Variants in UNC79 observed in about 807,000 individuals in gnomAD.
The protein encoded by UNC79 is protein unc-79 homolog.
Under a neutral mutation model 283.1 loss-of-function variants are expected in UNC79, and 37 were observed. The ratio of observed to expected loss-of-function variants is 0.13; its 90% confidence interval spans 0.10 to 0.17. UNC79 has a LOEUF of 0.17. UNC79 is among the 10% of genes least tolerant of loss of function. The pLI, the probability that UNC79 is intolerant of heterozygous loss-of-function variation, is 1.00. For missense variants in UNC79, 2,272 were observed against 3,211.1 expected (o/e 0.71, Z 7.07); for synonymous variants, 1,107 against 1,200.2 (o/e 0.92, Z 1.61).
At chr14:93,389,318 T>C (rs915851192) in intron 1 of UNC79, among the ~76,000 whole-genome samples, 6 of 152,172 alleles carry the variant, frequency 3.9e-5, no homozygotes, top group African/African-American at 1.4e-4. Context: ...TTATGGTTTT[T>C]CATCTCATGA....
intron 1 of UNC79, among the ~76,000 whole-genome samples, chr14:93,383,561 T>C (rs1442029483): frequency 6.6e-6 from 1 of 152,226 alleles, no homozygotes; most frequent in Admixed American, 6.5e-5. Context: ...TTAAAAATAC[T>C]TTATTGCTAA....
chr14:93,560,799 A>C (rs1177739608), intron 14 of UNC79, among the ~76,000 whole-genome samples: 1 of 152,076 alleles, frequency 6.6e-6, no homozygotes, highest in Non-Finnish European at 1.5e-5. Context: ...GATGAGAAGG[A>C]ATGCTGAAAG....
At chr14:93,600,211 A>G (rs543106815) in intron 24 of UNC79, among the ~76,000 whole-genome samples, 2 of 152,136 alleles carry the variant, frequency 1.3e-5, no homozygotes, top group Non-Finnish European at 2.9e-5. Flanking sequence ...AAAAACAAAC[A>G]AAGAAACAAA....
intron 1 of UNC79, among the ~76,000 whole-genome samples, chr14:93,395,364 T>A (rs569211312): frequency 6.6e-6 from 1 of 152,214 alleles, no homozygotes; most frequent in Admixed American, 6.5e-5. Flanking sequence ...TTCCATAAGC[T>A]GTACAGGAAG....
At chr14:93,680,226 T>C (rs969497165) in intron 41 of UNC79, among the ~76,000 whole-genome samples, 4 of 152,236 alleles carry the variant, frequency 2.6e-5, no homozygotes, top group Non-Finnish European at 5.9e-5. Context: ...GTGCTTACAT[T>C]ATGCTCTGCA....
At chr14:93,614,023 T>G (rs2066499907) in intron 27 of UNC79, among the ~76,000 whole-genome samples, 1 of 149,878 alleles carries the variant, frequency 6.7e-6, no homozygotes, top group Non-Finnish European at 1.5e-5. Context: ...TGCCATTTTA[T>G]CAAACATTTT....
chr14:93,356,049 G>A (rs562349410), intron 1 of UNC79, among the ~76,000 whole-genome samples: 1,961 of 138,218 alleles, frequency 0.014, 41 homozygotes, highest in Non-Finnish European at 0.02. Context: ...TTTTTTTGAG[G>A]CAGAGTCTTG....
chr14:93,393,617 A>G (rs2054929640), intron 1 of UNC79, among the ~76,000 whole-genome samples: 1 of 152,246 alleles, frequency 6.6e-6, no homozygotes, highest in African/African-American at 2.4e-5. Flanking sequence ...AACAATGAAT[A>G]TGCAAACTTT....
intron 31 of UNC79, among the ~76,000 whole-genome samples, chr14:93,632,146 A>G (rs2068080765): frequency 6.6e-6 from 1 of 152,236 alleles, no homozygotes; most frequent in Non-Finnish European, 1.5e-5. Flanking sequence ...TTACAAAGCC[A>G]TGTTCATTTT....
In UNC79 at chr14:93,655,424, GTTTCAT is replaced by G; in HGVS notation, c.6456+23_6456+28del. The G allele has an allele frequency of 6.2e-7, 1 of 1,607,254 alleles. No individual in the cohort carries two copies. The stretch of plus-strand genomic sequence containing the variant: ...CCTCTGAAGGTAAGCTGAGCCGAAG[GTTTCAT>G]TTTCAATTAATTTCTTACCATTTTC... On this transcript the variant is annotated intron_variant, in intron 38 of 48. Coordinates refer to ENST00000555664, the Ensembl canonical transcript of UNC79.
chr14:93,673,367 A>G (rs768200655), exon 41 of UNC79: 1 of 1,612,296 alleles, frequency 6.2e-7, no homozygotes. Context: ...GATAAATTCT[A>G]CTTGTCTCGT....
At chr14:93,568,113 G>A (rs2063002906) in intron 14 of UNC79, among the ~76,000 whole-genome samples, 1 of 152,100 alleles carries the variant, frequency 6.6e-6, no homozygotes, top group South Asian at 2.1e-4. Context: ...TTCCCAGCTT[G>A]ACATTTCCCT....
chr14:93,355,304 C>T (rs1480080524), intron 1 of UNC79, among the ~76,000 whole-genome samples: 1 of 152,038 alleles, frequency 6.6e-6, no homozygotes, highest in Non-Finnish European at 1.5e-5. Context: ...TTCAAGCAGA[C>T]TCTCCTGCCT....
At chr14:93,655,344 G>C in exon 38 of UNC79, 1 of 1,614,098 alleles carries the variant, frequency 6.2e-7, no homozygotes. Context: ...GTAGCCTCTG[G>C]ACCACAATTA....
intron 1 of UNC79, among the ~76,000 whole-genome samples, chr14:93,354,249 T>A (rs2054038983): frequency 6.6e-6 from 1 of 152,204 alleles, no homozygotes; most frequent in South Asian, 2.1e-4. Context: ...GCCAAATCCT[T>A]ACAGGCTGTG....
At position 93,582,139 on chromosome 14, in the gene UNC79, G is replaced by C. The variant is rs894213947; in HGVS notation, c.2662-64G>C. 6.2e-6 allele frequency: 10 copies of C among 1,611,878 alleles called. No individual in the cohort carries two copies. The South Asian group carries it at 6.6e-5, about 11-fold the overall frequency. ...GTGTGCAGTCCAGCTTTGCTGAGCTGAGCAAACCGTTCCTGACACCCCTCC... is the reference window on the plus strand; with the variant it reads ...GTGTGCAGTCCAGCTTTGCTGAGCTCAGCAAACCGTTCCTGACACCCCTCC... On this transcript the variant is annotated intron_variant, in intron 19 of 48. Coordinates refer to ENST00000555664, the Ensembl canonical transcript of UNC79.
At chr14:93,467,147 C>T (rs1263602985) in intron 1 of UNC79, among the ~76,000 whole-genome samples, 1 of 152,196 alleles carries the variant, frequency 6.6e-6, no homozygotes, top group Non-Finnish European at 1.5e-5. Context: ...CTTTCATGAT[C>T]ACATGTTGAG....
chr14:93,538,050 G>C, exon 12 of UNC79: 1 of 1,614,144 alleles, frequency 6.2e-7, no homozygotes, highest in Middle Eastern at 1.7e-4. Context: ...TGCTGTGGTC[G>C]TCACGGAAAC....
At chr14:93,609,207 G>A (rs543951790) in intron 26 of UNC79, among the ~76,000 whole-genome samples, 1 of 152,158 alleles carries the variant, frequency 6.6e-6, no homozygotes, top group Non-Finnish European at 1.5e-5. Flanking sequence ...GCACAAAATT[G>A]TTGGGGGAGG....
Sources: allele counts gnomAD v4.1 joint callset (sites outside exome capture counted in the v4.1 genomes callset), GRCh38; gene constraint gnomAD v4.1.1; transcripts MANE v1.5; gene names NCBI Gene and HGNC (gene_info 2026-07-23, HGNC 2026-07-21).